RBM17: variants seen among roughly 807,000 people sequenced by gnomAD.
The protein encoded by RBM17 is splicing factor 45.
RBM17 carries 7 observed loss-of-function variants against 53.2 expected under a neutral mutation model. The ratio of observed to expected loss-of-function variants is 0.13; its 90% CI spans 0.07 to 0.25. RBM17 has a LOEUF of 0.25. Ranked by LOEUF, RBM17 falls within the 10% of genes least tolerant of loss-of-function variation. The pLI, the probability that RBM17 is intolerant of heterozygous loss-of-function variation, is 1.00. For missense variants in RBM17, 257 were observed against 496.7 expected (o/e 0.52, Z 4.59); for synonymous variants, 167 against 178.1 (o/e 0.94, Z 0.50).
At position 6,112,221 on chromosome 10, in the gene RBM17, C is replaced by T. The variant is rs1247515202; in HGVS notation, c.716C>T (p.Ala239Val). 1 of 1,612,184 alleles carries T rather than the reference C, an allele frequency of 6.2e-7. No homozygotes were observed. The highest frequency in any genetic ancestry group is 8.5e-7 in the Non-Finnish European group (1 of 1,179,902). ...SFLANMGGTV[A>V]HKIMQKYGFR... The stretch of plus-strand genomic sequence containing the variant: ...TCTTCTCCTGCCAGGGGCACGGTGG[C>T]GCACAAGATCATGCAGAAGTACGGC... The change falls in exon 8 of 12, where the codon GCG (alanine) becomes GTG (valine). Residue 239 changes from alanine to valine, a missense_variant. Physicochemically the swap from Ala to Val is moderately conservative, Grantham distance 64. This residue lies in a region of RBM17 where 5 missense variants were observed against 58.2 expected (regional missense o/e 0.09). Transcript: ENST00000379888. The surrounding 1 kb of genome is among the most constrained non-coding windows in gnomAD (Gnocchi z 4.4).
At chr10:6,106,348 G>A in intron 5 of RBM17, 110 bp downstream of exon 5, 1 of 706,984 alleles carries the variant, frequency 1.4e-6, no homozygotes, top group Non-Finnish European at 2.4e-6. Flanking sequence ...ATTGATTTGG[G>A]TAATTTTCTT....
intron 10 of RBM17, chr10:6,114,741 C>T (rs1840890711): frequency 6.3e-6 from 1 of 158,682 alleles, no homozygotes; most frequent in Admixed American, 6.1e-5. Flanking sequence ...GATAATGGCT[C>T]GTAGGAGACA....
intron 1 of RBM17, among the ~76,000 whole-genome samples, chr10:6,095,818 C>T (rs563762616): frequency 2.6e-5 from 4 of 152,252 alleles, no homozygotes; most frequent in South Asian, 2.1e-4. Context: ...CCAACATCAG[C>T]GAAGGTGTTG....
chr10:6,100,422 A>G (rs1840653693), intron 2 of RBM17, among the ~76,000 whole-genome samples: 1 of 152,206 alleles, frequency 6.6e-6, no homozygotes, highest in African/African-American at 2.4e-5. Flanking sequence ...CTTTACCCTG[A>G]ATTCGATCAG....
In RBM17 at chr10:6,109,992, G is replaced by A. The variant is rs778122809; in HGVS notation, c.569G>A (p.Arg190Gln). 1.3e-5 allele frequency: 21 copies of A among 1,604,358 alleles called. No individual in the cohort carries two copies. The highest frequency in any genetic ancestry group is 1.2e-4 in the Admixed American group (7 of 58,946). ...CTTTATTTTTCTCCAATAGTACCCC[G>A]AGATTTTCCTTATGAAGAGGACTCA... is the stretch of plus-strand genomic sequence containing the variant. ...SLVEKDKELP[R>Q]DFPYEEDSRP... is the part of the protein sequence containing the mutation. The change falls in exon 7 of 12, where the codon CGA becomes CAA. Residue 190 changes from arginine (R) to glutamine (Q), a missense_variant. By Grantham distance (43) the Arg-to-Gln change is conservative. This residue lies in a region of RBM17 where 68 missense variants were observed against 60.0 expected (regional missense o/e 1.13). Transcript: ENST00000379888.
At chr10:6,100,724 A>G (rs1052453904) in intron 2 of RBM17, among the ~76,000 whole-genome samples, 2 of 152,182 alleles carry the variant, frequency 1.3e-5, no homozygotes, top group Non-Finnish European at 2.9e-5. Context: ...GAGAATCTGA[A>G]TGTGAACTGG....
At chr10:6,096,996 A>T in intron 1 of RBM17, 52 bp from the exon 2 acceptor site, 2 of 1,531,898 alleles carry the variant, frequency 1.3e-6, no homozygotes, top group South Asian at 2.4e-5. Flanking sequence ...TTAACATGAA[A>T]AGCCTTTATT....
At chr10:6,114,492 C>T (rs1450876589) in intron 10 of RBM17, 6 of 195,624 alleles carry the variant, frequency 3.1e-5, no homozygotes, top group Non-Finnish European at 1.1e-5. Flanking sequence ...CTGCACTGTG[C>T]GGAGAGCACT....
intron 1 of RBM17, among the ~76,000 whole-genome samples, chr10:6,090,887 T>C (rs1414338872): frequency 2.0e-5 from 3 of 150,920 alleles, no homozygotes; most frequent in Admixed American, 6.7e-5. Flanking sequence ...TAGAAAGTCA[T>C]GGTAGATCTT....
In RBM17 at chr10:6,112,349, G is replaced by A. The variant is rs770273356; in HGVS notation, c.844G>A (p.Ala282Thr). Residue 282 changes from alanine (A) to threonine (T), a missense_variant, in exon 8 of 12, where the codon GCC becomes ACC. Transcript: ENST00000379888. This position sits in a 1 kb window ranked among gnomAD's most constrained non-coding sequence, Gnocchi z 4.4. ...KRGGKIIVGD[A>T]TEKDASKKSD... ...TGGCGGCAAGATCATCGTGGGCGACGCCACAGAGAAAGGTGTGTCCCCAGG... is the reference window on the plus strand; with the variant it reads ...TGGCGGCAAGATCATCGTGGGCGACACCACAGAGAAAGGTGTGTCCCCAGG... 1.2e-5 allele frequency: 20 copies of A among 1,613,898 alleles called. No homozygotes were observed. In the South Asian group the frequency reaches 1.4e-4, roughly 12 times the overall value.
At chr10:6,097,291 G>A in intron 2 of RBM17, 103 bp downstream of exon 2, 2 of 1,190,020 alleles carry the variant, frequency 1.7e-6, no homozygotes, top group Non-Finnish European at 1.2e-6. Flanking sequence ...CTTTGTATTG[G>A]GTAAATGGTG....
At position 6,115,675 on chromosome 10, in the gene RBM17, T is replaced by C. The variant is rs1840903755; in HGVS notation, c.*119T>C. 6.1e-6 allele frequency: 4 copies of C among 653,560 alleles called. No homozygotes were observed. The highest frequency in any genetic ancestry group is 1.1e-5 in the Non-Finnish European group (4 of 367,674). The allele number at this position is 653,560 out of a possible 1,614,324, so 40.5% of individuals were successfully genotyped here. A position where few individuals can be genotyped will look rare whatever the true frequency, so the allele number is the denominator to read the frequency against. ...TGCATACCAAGACTCTTGGAAGGAC[T>C]TCTAAGATATATGTTGATTGATCCC... On this transcript the variant is annotated 3_prime_UTR_variant, in exon 12 of 12. Coordinates refer to ENST00000379888, the MANE Select transcript of RBM17 (RefSeq NM_032905.5).
intron 3 of RBM17, among the ~76,000 whole-genome samples, chr10:6,102,650 C>T (rs989740675): frequency 2.0e-5 from 3 of 152,086 alleles, no homozygotes; most frequent in Admixed American, 6.5e-5. Flanking sequence ...AATGAGTAAG[C>T]CTTTTTCCTC....
At chr10:6,111,297 G>A (rs898869775) in intron 7 of RBM17, among the ~76,000 whole-genome samples, 1 of 152,250 alleles carries the variant, frequency 6.6e-6, no homozygotes, top group Non-Finnish European at 1.5e-5. Context: ...GTGACTGAGA[G>A]TTGTGGGGTC....
At chr10:6,111,770 A>G (rs1449132257) in intron 7 of RBM17, among the ~76,000 whole-genome samples, 1 of 152,166 alleles carries the variant, frequency 6.6e-6, no homozygotes, top group Non-Finnish European at 1.5e-5. Flanking sequence ...TTTCATTTGT[A>G]TAGTCTGTCA....
chr10:6,101,140 T>C (rs1223190210), intron 2 of RBM17, 131 bp from the exon 3 acceptor site: 1 of 484,326 alleles, frequency 2.1e-6, no homozygotes, highest in Non-Finnish European at 3.7e-6. Flanking sequence ...TAAAAGGCTG[T>C]TGTTTTGAGA....
intron 4 of RBM17, 146 bp downstream of exon 4, chr10:6,105,243 C>T (rs978406458): frequency 1.3e-5 from 9 of 697,542 alleles, no homozygotes; most frequent in African/African-American, 7.2e-5. Flanking sequence ...AACTGTTTTA[C>T]GATTTGTACC....
chr10:6,105,249 G>A, intron 4 of RBM17, 152 bp downstream of exon 4: 1 of 686,628 alleles, frequency 1.5e-6, no homozygotes, highest in East Asian at 2.8e-5. Context: ...TTTACGATTT[G>A]TACCTGTTAC....
At chr10:6,103,212 T>A (rs796928062) in intron 3 of RBM17, among the ~76,000 whole-genome samples, 12 of 152,342 alleles carry the variant, frequency 7.9e-5, no homozygotes, top group African/African-American at 2.6e-4. Context: ...ACCAGTTTAC[T>A]CCCAGCAGTG....
Sources: allele counts gnomAD v4.1 joint callset (sites outside exome capture counted in the v4.1 genomes callset), GRCh38; gene constraint gnomAD v4.1.1; regional missense constraint gnomAD v4.1.1; non-coding constraint Gnocchi (gnomAD v3.1); transcripts MANE v1.5; gene names NCBI Gene and HGNC (gene_info 2026-07-23, HGNC 2026-07-21).